The following SEM1 variants were observed in gnomAD, a reference collection of about 807,000 sequenced individuals.
SEM1 encodes the protein 26S proteasome complex subunit SEM1.
Under a neutral mutation model 12.7 loss-of-function variants are expected in SEM1, and 3 were observed. The observed-to-expected ratio is 0.24, with a 90% CI of 0.11 to 0.61. The LOEUF is 0.61. SEM1 is among the 20% of genes least tolerant of loss of function. SEM1 has a pLI of 0.88. For synonymous variants in SEM1, 30 were observed against 27.8 expected, an observed-to-expected ratio of 1.08 and a Z score of -0.25; for missense variants, 59 against 81.3, an observed-to-expected ratio of 0.73 and a Z score of 1.06.
chr7:96,687,415 A>C (rs1395110005), downstream of SEM1, among the ~76,000 whole-genome samples: 1 of 152,218 alleles, frequency 6.6e-6, no homozygotes, highest in Non-Finnish European at 1.5e-5. Context: ...TGGATTAAGA[A>C]AACGTGGCAC....
At chr7:96,555,323 C>T (rs1489774723) in intron 2 of SEM1, among the ~76,000 whole-genome samples, 4 of 151,650 alleles carry the variant, frequency 2.6e-5, no homozygotes, top group Admixed American at 6.6e-5. Flanking sequence ...CTCTTGTGGG[C>T]ATTTAGTGCT....
chr7:96,570,935 C>A (rs1806003896), intron 2 of SEM1, among the ~76,000 whole-genome samples: 1 of 149,848 alleles, frequency 6.7e-6, no homozygotes, highest in South Asian at 2.1e-4. Context: ...TTTTGATTTG[C>A]ATTTCTCTAA....
chr7:96,513,882 T>C (rs575433173), intron 2 of SEM1, among the ~76,000 whole-genome samples: 1 of 152,224 alleles, frequency 6.6e-6, no homozygotes, highest in Admixed American at 6.5e-5. Flanking sequence ...TATTGCTATG[T>C]AATATTACTA....
At chr7:96,544,185 C>T (rs1185043065) in intron 2 of SEM1, among the ~76,000 whole-genome samples, 1 of 151,990 alleles carries the variant, frequency 6.6e-6, no homozygotes, top group Non-Finnish European at 1.5e-5. Context: ...GCTAGCCTGT[C>T]CTTTATTTCA....
At chr7:96,537,881 C>T (rs1431020220) in intron 2 of SEM1, among the ~76,000 whole-genome samples, 1 of 151,772 alleles carries the variant, frequency 6.6e-6, no homozygotes, top group African/African-American at 2.4e-5. Flanking sequence ...CTGCCCTGTC[C>T]TCAATTTCTT....
intron 2 of SEM1, among the ~76,000 whole-genome samples, chr7:96,513,845 G>A (rs186084537): frequency 1.4e-4 from 22 of 151,798 alleles, no homozygotes; most frequent in South Asian, 1.0e-3. Flanking sequence ...AAAAAAATTC[G>A]TTATAAAAAT....
At chr7:96,528,727 C>A (rs1804545592) in intron 2 of SEM1, among the ~76,000 whole-genome samples, 1 of 152,054 alleles carries the variant, frequency 6.6e-6, no homozygotes, top group Non-Finnish European at 1.5e-5. Context: ...GAATCTCAGA[C>A]CCATTCCAGA....
intron 2 of SEM1, among the ~76,000 whole-genome samples, chr7:96,690,358 G>A (rs753303160): frequency 1.1e-4 from 16 of 152,150 alleles, no homozygotes; most frequent in Non-Finnish European, 1.6e-4. Flanking sequence ...GGAGGTGGCT[G>A]GTCACTAACT....
chr7:96,560,998 C>T (rs1805673904), intron 2 of SEM1, among the ~76,000 whole-genome samples: 1 of 151,914 alleles, frequency 6.6e-6, no homozygotes, highest in Non-Finnish European at 1.5e-5. Flanking sequence ...CCAAGGATAG[C>T]CTCAAACTTC....
rs577574839 is a variant in SEM1, at chr7:96,639,958, G to A, written c.171-17315C>T. ...GATATACAGTGGGAAATAAGCATAC[G>A]AAAAGATGTTCCACATCATATATCG... On this transcript the variant is annotated intron_variant, in intron 2 of 2. Coordinates refer to the SEM1 transcript ENST00000417009. 2.8e-4 allele frequency among the ~76,000 whole-genome samples: 43 copies of A among 151,980 alleles called. No homozygotes were observed. The South Asian group carries it at 8.3e-3, about 29-fold the overall frequency.
chr7:96,665,396 TTTCTCA>T (rs1385371215), intron 2 of SEM1, among the ~76,000 whole-genome samples: 1 of 152,200 alleles, frequency 6.6e-6, no homozygotes, highest in Non-Finnish European at 1.5e-5. Context: ...ATGGCCTTGG[TTTCTCA>T]TTCCTGTTCA....
intron 2 of SEM1, among the ~76,000 whole-genome samples, chr7:96,588,391 C>CG (rs1485544733): frequency 0.036 from 2,191 of 60,408 alleles, 43 homozygotes; most frequent in African/African-American, 0.098. Flanking sequence ...CACACACACA[C>CG]ACACACGAGA....
chr7:96,535,437 CATATTTTAATTTTCTTTTTTATTAA>C (rs1804759215), intron 2 of SEM1, among the ~76,000 whole-genome samples: 1 of 151,782 alleles, frequency 6.6e-6, no homozygotes, highest in African/African-American at 2.4e-5. Context: ...ATTTTGATGT[CATATTTTAATTTTCTTTTTTATTAA>C]ATATTTTAAC....
In SEM1 at chr7:96,645,748, C is replaced by T. The variant is rs1434125730; in HGVS notation, c.171-23105G>A. The T allele has an allele frequency of 1.0e-5, 4 of 398,064 alleles. No homozygotes were observed. The East Asian group carries it at 1.4e-4, about 14-fold the overall frequency. The allele number at this position is 398,064 out of a possible 1,614,324, so 24.7% of individuals were successfully genotyped here. On this transcript the variant is annotated intron_variant, in intron 2 of 2. Transcript: ENST00000417009. ...CCTTCTCAGCTGTAACTTTACATGACCCATGCCGGATAGATGGATGGATGG... is the reference window on the plus strand; with the variant it reads ...CCTTCTCAGCTGTAACTTTACATGATCCATGCCGGATAGATGGATGGATGG...
At chr7:96,683,077 G>A (rs1789663170) in intron 2 of SEM1, among the ~76,000 whole-genome samples, 1 of 152,112 alleles carries the variant, frequency 6.6e-6, no homozygotes, top group South Asian at 2.1e-4. Flanking sequence ...AGAGGATGTA[G>A]AAATAGGAAC....
At chr7:96,645,437 G>A (rs1277580329) in intron 2 of SEM1, 1 of 237,368 alleles carries the variant, frequency 4.2e-6, no homozygotes, top group African/African-American at 2.2e-5. Flanking sequence ...TTCCAAGGAG[G>A]AAAAACTTGG....
intron 1 of SEM1, among the ~76,000 whole-genome samples, chr7:96,705,795 G>A (rs897598214): frequency 2.0e-5 from 3 of 151,636 alleles, no homozygotes; most frequent in African/African-American, 7.3e-5. Context: ...ACTCCAGCCT[G>A]GGTGACAGAG....
intron 2 of SEM1, among the ~76,000 whole-genome samples, chr7:96,529,126 G>A (rs1331760781): frequency 6.6e-6 from 1 of 152,014 alleles, no homozygotes; most frequent in Non-Finnish European, 1.5e-5. Flanking sequence ...TTTACTCCAT[G>A]TCCCAGGGTT....
chr7:96,499,273 C>T (rs1406400411), upstream of SEM1, among the ~76,000 whole-genome samples: 1 of 152,130 alleles, frequency 6.6e-6, no homozygotes, highest in African/African-American at 2.4e-5. Context: ...AGTAATTTGC[C>T]ACTTTTTCAT....
Sources: gnomAD v4.1 joint callset for allele counts (sites outside exome capture counted in the v4.1 genomes callset) on GRCh38, gnomAD v4.1.1 for gene constraint, MANE v1.5 for transcripts, NCBI Gene and HGNC (gene_info 2026-07-23, HGNC 2026-07-21) for gene names.